Variants in MTMR8 observed in about 807,000 individuals in gnomAD.
MTMR8 encodes the protein phosphatidylinositol-3,5-bisphosphate 3-phosphatase MTMR8.
MTMR8 carries 65 observed loss-of-function variants against 39.3 expected under a neutral mutation model. The observed-to-expected ratio is 1.65, with a 90% CI of 1.35 to 2.03. MTMR8 has a LOEUF of 2.03. Among genes scored for constraint, MTMR8 ranks in the 30% most tolerant of loss-of-function variants. The probability of loss-of-function intolerance (pLI) is 0.00; values close to 1 mark genes in which losing one functional copy is unlikely to be tolerated. For synonymous variants in MTMR8, 245 were observed against 185.2 expected, an observed-to-expected ratio of 1.32 and a Z score of -2.62; for missense variants, 777 against 538.9, an observed-to-expected ratio of 1.44 and a Z score of -4.37.
chrX:64,274,366 T>C (rs1188937800), intron 12 of MTMR8, among the ~76,000 whole-genome samples: 3 of 111,743 alleles, frequency 2.7e-5, no homozygotes, highest in Admixed American at 1.9e-4. Flanking sequence ...AACCAATGGG[T>C]CAAAGAAGAA....
At chrX:64,302,773 C>A (rs948483296) in intron 12 of MTMR8, among the ~76,000 whole-genome samples, 1 of 112,367 alleles carries the variant, frequency 8.9e-6, no homozygotes, top group Non-Finnish European at 1.9e-5. Flanking sequence ...AAAATATCTA[C>A]TACCCATAGA....
intron 11 of MTMR8, 79 bp downstream of exon 11, chrX:64,331,478 A>G (rs1602134810): frequency 7.3e-6 from 7 of 955,647 alleles, no homozygotes; most frequent in Non-Finnish European, 1.0e-5. Context: ...CTGCTATGCC[A>G]AATTCAGGGT....
intron 4 of MTMR8, 32 bp from the exon 5 acceptor site, chrX:64,350,102 A>G: frequency 1.2e-6 from 1 of 836,620 alleles, no homozygotes; most frequent in Non-Finnish European, 1.5e-6. Context: ...ATATATAAAT[A>G]TATATTTATA....
chrX:64,379,546 C>T (rs1162507121), intron 1 of MTMR8, among the ~76,000 whole-genome samples: 1 of 111,237 alleles, frequency 9.0e-6, no homozygotes, highest in Non-Finnish European at 1.9e-5. Context: ...AGGATCTAAC[C>T]CAGTCCTCTC....
chrX:64,348,590 A>G, intron 6 of MTMR8, 70 bp downstream of exon 6: 1 of 1,133,919 alleles, frequency 8.8e-7, no homozygotes, highest in East Asian at 3.0e-5. Flanking sequence ...ATAACACTGC[A>G]TGTCTCAATA....
chrX:64,300,177 G>A (rs1921801548), intron 12 of MTMR8, among the ~76,000 whole-genome samples: 1 of 106,974 alleles, frequency 9.3e-6, no homozygotes, highest in African/African-American at 3.4e-5. Context: ...GTTGACAGTG[G>A]GGTGTTAAAG....
At chrX:64,304,362 C>A (rs138137305) in intron 12 of MTMR8, among the ~76,000 whole-genome samples, 2,200 of 111,690 alleles carry the variant, frequency 0.02, 47 homozygotes, top group African/African-American at 0.066. Context: ...TCACATACAG[C>A]ACCACTACCA....
intron 1 of MTMR8, among the ~76,000 whole-genome samples, chrX:64,376,595 A>T (rs1212424614): frequency 8.9e-6 from 1 of 112,285 alleles, no homozygotes; most frequent in Admixed American, 9.5e-5. Context: ...TGCCTCTAAC[A>T]GCATACGCTC....
chrX:64,268,888 T>G lies in MTMR8; in HGVS notation c.1764A>C (p.Leu588=). The G allele has an allele frequency of 1.7e-6, 2 of 1,211,611 alleles. No homozygotes were observed. Among genetic ancestry groups the G allele is most frequent in the Non-Finnish European group, 2.2e-6 (2 of 895,445 alleles). ...DLNTLMENGT[L]SREGGLRAQM... ...GAGCTCGGAGGCCTCCTTCCCTGGA[T>G]AGGGTGCCATTCTCCATCAGGGTAT... The change falls in exon 14 of 14, where the codon CTA becomes CTC. Residue 588 remains leucine, a synonymous_variant. Transcript: ENST00000374852.
chrX:64,350,565 C>A (rs1436616666), intron 4 of MTMR8, among the ~76,000 whole-genome samples: 2 of 111,368 alleles, frequency 1.8e-5, no homozygotes, highest in African/African-American at 6.5e-5. Context: ...ATTTTCATTT[C>A]TATTTCTGAG....
At chrX:64,302,681 C>A (rs1260666885) in intron 12 of MTMR8, among the ~76,000 whole-genome samples, 1 of 112,495 alleles carries the variant, frequency 8.9e-6, no homozygotes, top group African/African-American at 3.2e-5. Context: ...TGTTACACAG[C>A]CAATTGTTTT....
intron 12 of MTMR8, among the ~76,000 whole-genome samples, chrX:64,296,264 A>T (rs1921576483): frequency 9.0e-6 from 1 of 111,457 alleles, no homozygotes; most frequent in African/African-American, 3.3e-5. Context: ...AGAATAGGTA[A>T]ATTCATAAAG....
chrX:64,314,708 C>A (rs776589517), intron 12 of MTMR8, among the ~76,000 whole-genome samples: 2 of 112,604 alleles, frequency 1.8e-5, no homozygotes, highest in East Asian at 5.7e-4. Context: ...GCAAGATTGG[C>A]CCCACGTACA....
At chrX:64,333,159 A>T (rs946386308) in intron 10 of MTMR8, among the ~76,000 whole-genome samples, 1 of 112,152 alleles carries the variant, frequency 8.9e-6, no homozygotes, top group Non-Finnish European at 1.9e-5. Context: ...TTATAAAATC[A>T]TACAAATTCA....
intron 12 of MTMR8, among the ~76,000 whole-genome samples, chrX:64,272,944 T>C (rs1931792586): frequency 9.0e-6 from 1 of 111,579 alleles, no homozygotes; most frequent in South Asian, 3.7e-4. Context: ...GCAAAACTGT[T>C]CTTCAAAAAC....
rs774605270 is a variant in MTMR8, at chrX:64,328,912, G to GA, written c.1353-13dup. On this transcript the variant is annotated splice_polypyrimidine_tract_variant and intron_variant, in intron 11 of 13. Transcript: ENST00000374852. ...TTTTCTCATAGACTCTGTTAGAAAA[G>GA]AAAAACAAGCCAAAAAATTAAAAGC... The GA allele has an allele frequency of 7.8e-5, 92 of 1,180,529 alleles. No individual in the cohort carries two copies. The highest frequency in any genetic ancestry group is 1.0e-4 in the Non-Finnish European group (90 of 885,785).
At chrX:64,349,846 C>A in intron 5 of MTMR8, 96 bp downstream of exon 5, 12 of 756,366 alleles carry the variant, frequency 1.6e-5, no homozygotes, top group Non-Finnish European at 2.1e-5. Context: ...AAGTAACTTG[C>A]CTGAGGTCAC....
At chrX:64,300,626 T>C (rs1193223142) in intron 12 of MTMR8, among the ~76,000 whole-genome samples, 6 of 102,350 alleles carry the variant, frequency 5.9e-5, no homozygotes, top group Non-Finnish European at 1.2e-4. Flanking sequence ...ATTATGATGT[T>C]AGCTGGTGAT....
In MTMR8 at chrX:64,268,260, A is replaced by C; in HGVS notation, c.*277T>G. ...ATTAAGGAAAACAGACAGTAGAACC[A>C]GCTTAATATGTGTCTCAGCTGAGAG... On this transcript the variant is annotated 3_prime_UTR_variant, in exon 14 of 14. Coordinates refer to ENST00000374852, the MANE Select transcript of MTMR8 (RefSeq NM_017677.4). 1 of 326,721 alleles carries C rather than the reference A, an allele frequency of 3.1e-6. No individual in the cohort carries two copies. Among genetic ancestry groups the C allele is most frequent in the East Asian group, 4.9e-5 (1 of 20,390 alleles). 26.9% of individuals were successfully genotyped at this position (326,721 alleles called of 1,213,427 possible).
Sources: gnomAD v4.1 joint callset for allele counts (sites outside exome capture counted in the v4.1 genomes callset) on GRCh38, gnomAD v4.1.1 for gene constraint, MANE v1.5 for transcripts, NCBI Gene and HGNC (gene_info 2026-07-23, HGNC 2026-07-21) for gene names.